The following ZNF141 variants were observed in gnomAD, a reference collection of about 807,000 sequenced individuals.
ZNF141 encodes zinc finger protein 141.
A neutral mutation model predicts 11.3 loss-of-function variants in ZNF141; 7 were observed. The observed-to-expected ratio is 0.62, with a 90% CI of 0.35 to 1.16. The LOEUF is 1.16. Among genes scored for constraint, ZNF141 ranks in the 50% most tolerant of loss-of-function variants. The pLI, the probability that ZNF141 is intolerant of heterozygous loss-of-function variation, is 0.02. For synonymous variants in ZNF141, 183 were observed against 190.7 expected (o/e 0.96, Z 0.33); for missense variants, 535 against 554.0 (o/e 0.97, Z 0.34).
At position 379,651 on chromosome 4, in the gene ZNF141, G is replaced by A. The variant is rs1712527198; in HGVS notation, c.*5789G>A. The stretch of plus-strand genomic sequence containing the variant: ...GCCTCCCAAAGTTCTGGAATTACAG[G>A]CGTGAGCCACTGCGCCCAGCCTCTA... On this transcript the variant is annotated 3_prime_UTR_variant, in exon 4 of 4. Coordinates refer to ENST00000240499, the MANE Select transcript of ZNF141 (RefSeq NM_003441.4). Among the ~76,000 whole-genome samples, 2 of 152,142 alleles carry A rather than the reference G, an allele frequency of 1.3e-5. No individual in the cohort carries two copies. Among genetic ancestry groups the A allele is most frequent in the Admixed American group, 6.5e-5 (1 of 15,282 alleles).
At chr4:350,401 C>T in intron 3 of ZNF141, 2 of 335,800 alleles carry the variant, frequency 6.0e-6, no homozygotes, top group South Asian at 4.6e-5. Context: ...TCTTATTTCA[C>T]TAAAATAATG....
chr4:359,486 G>C (rs555834163), intron 3 of ZNF141, among the ~76,000 whole-genome samples: 66 of 152,236 alleles, frequency 4.3e-4, no homozygotes, highest in Admixed American at 1.5e-3. Context: ...AATTCATAGG[G>C]CTGCTTCAGG....
At chr4:355,426 G>A (rs964320971) in intron 3 of ZNF141, among the ~76,000 whole-genome samples, 4 of 152,012 alleles carry the variant, frequency 2.6e-5, no homozygotes, top group East Asian at 1.9e-4. Flanking sequence ...GGCTGGTCTC[G>A]AACTCCTGAT....
chr4:348,378 A>G (rs531583631), intron 3 of ZNF141, among the ~76,000 whole-genome samples: 236 of 152,192 alleles, frequency 1.6e-3, no homozygotes, highest in African/African-American at 5.6e-3. Context: ...TTAAGATTTC[A>G]TGTCTTAATT....
rs1553855867 is a variant in ZNF141 at position 382,616 on chromosome 4, TAC to T, written c.*8756_*8757del. The T allele has an allele frequency of 6.6e-6, 1 of 152,348 alleles. No individual in the cohort carries two copies. The highest frequency in any genetic ancestry group is 1.5e-5 in the Non-Finnish European group (1 of 68,142). The allele number at this position is 152,348 out of a possible 1,614,324, so 9.4% of individuals were successfully genotyped here. ...TGCTCAGCAATTTTCTCAAATTGTT[TAC>T]AGTTTTTCCAAGAGACTTCAGAACC... On this transcript the variant is annotated 3_prime_UTR_variant, in exon 4 of 4. Transcript: ENST00000240499.
intron 3 of ZNF141, among the ~76,000 whole-genome samples, chr4:355,187 A>C (rs1206455160): frequency 1.3e-5 from 2 of 150,742 alleles, no homozygotes; most frequent in African/African-American, 4.9e-5. Context: ...ATTTTATTTT[A>C]TTTATTTATT....
In ZNF141 at chr4:337,872, C is replaced by A. The variant is rs1405273816; in HGVS notation, c.-112C>A. ...TAGGGGCTTCATCTCTCTGCGTTCT[C>A]AGTTGTGGGAGGCCTTGGTGATTCG... On this transcript the variant is annotated 5_prime_UTR_variant, in exon 1 of 4. Transcript: ENST00000240499. The A allele has an allele frequency of 7.2e-6, 10 of 1,397,722 alleles. No individual in the cohort carries two copies. The allele number at this position is 1,397,722 out of a possible 1,614,324, so 86.6% of individuals were successfully genotyped here.
In ZNF141 at chr4:375,597, A is replaced by G. The variant is rs576964799; in HGVS notation, c.*1735A>G. Among the ~76,000 whole-genome samples the G allele has an allele frequency of 2.6e-5, 4 of 152,194 alleles. No homozygotes were observed. Among genetic ancestry groups the G allele is most frequent in the African/African-American group, 9.6e-5 (4 of 41,562 alleles). ...GAGTATTAAGTATTAAAAAAATCCA[A>G]AGTTGAACCTATTAGAGAATTTCTT... On this transcript the variant is annotated 3_prime_UTR_variant, in exon 4 of 4. Coordinates refer to ENST00000240499, the MANE Select transcript of ZNF141 (RefSeq NM_003441.4).
intron 1 of ZNF141, 35 bp downstream of exon 1, chr4:338,021 G>A (rs1720871870): frequency 6.8e-6 from 11 of 1,612,536 alleles, no homozygotes; most frequent in South Asian, 1.1e-5. Flanking sequence ...CAAGGCTGAG[G>A]AGGTCTCATC....
chr4:342,815 T>G, intron 1 of ZNF141: 1 of 1,605,838 alleles, frequency 6.2e-7, no homozygotes, highest in Non-Finnish European at 8.5e-7. Flanking sequence ...ACAGAAAAAA[T>G]TCAAACAGGT....
In ZNF141 at chr4:379,474, A is replaced by T. The variant is rs1203876656; in HGVS notation, c.*5612A>T. Among the ~76,000 whole-genome samples, 1 of 152,176 alleles carries T rather than the reference A, an allele frequency of 6.6e-6. No homozygotes were observed. Among genetic ancestry groups the T allele is most frequent in the African/African-American group, 2.4e-5 (1 of 41,436 alleles). ...ACTGCAACCTCCGCCTCTCAGGTTC[A>T]GGCGATTCTCCTGCCTCAGCCTCCT... is the stretch of plus-strand genomic sequence containing the variant. On this transcript the variant is annotated 3_prime_UTR_variant, in exon 4 of 4. Coordinates refer to ENST00000240499, the MANE Select transcript of ZNF141 (RefSeq NM_003441.4).
intron 3 of ZNF141, among the ~76,000 whole-genome samples, chr4:352,202 A>G (rs562160485): frequency 2.0e-4 from 31 of 152,322 alleles, no homozygotes; most frequent in African/African-American, 7.0e-4. Context: ...CCTGGCCAAC[A>G]TGGTGAAACC....
At chr4:343,686 C>G (rs565695055) in intron 1 of ZNF141, 96 bp from the exon 2 acceptor site, 1 of 1,251,280 alleles carries the variant, frequency 8.0e-7, no homozygotes, top group Non-Finnish European at 1.0e-6. Context: ...GACTGCGCCG[C>G]TGCACTCCAG....
Position 343,024 on chromosome 4 carries a change from ATTAAAAAAGTATTAAAAAAGTT to A in ZNF141, c.4-757_4-736del, listed in dbSNP as rs1560179809. The A allele has an allele frequency of 1.0e-5, 5 of 493,264 alleles. No individual in the cohort carries two copies. The African/African-American group carries it at 2.5e-4, about 24-fold the overall frequency. 30.6% of individuals were successfully genotyped at this position (493,264 alleles called of 1,614,324 possible). A position where few individuals can be genotyped will look rare whatever the true frequency, so the allele number is the denominator to read the frequency against. The stretch of plus-strand genomic sequence containing the variant: ...AAGTATTAAAAAAGTTCCTTGCATG[ATTAAAAAAGTATTAAAAAAGTT>A]CCTTGCATGATTAAAAAAGTATTTA... On this transcript the variant is annotated intron_variant, in intron 1 of 3. Transcript: ENST00000240499.
Position 374,443 on chromosome 4 carries a change from G to A in ZNF141, c.*581G>A. 1 of 354,652 alleles carries A rather than the reference G, an allele frequency of 2.8e-6. No individual in the cohort carries two copies. The highest frequency in any genetic ancestry group is 5.8e-6 in the Non-Finnish European group (1 of 173,540). The allele number at this position is 354,652 out of a possible 1,614,324, so 22.0% of individuals were successfully genotyped here. On this transcript the variant is annotated 3_prime_UTR_variant, in exon 4 of 4. Transcript: ENST00000240499. ...GTTAAACATAAGAGAATTTATACCA[G>A]AGAGAAACCCTACACATGTAAAGAA...
rs1581627762 is a variant in ZNF141, at chr4:373,355, T to C, written c.918T>C (p.Thr306=). The C allele has an allele frequency of 6.2e-7, 1 of 1,614,006 alleles. No homozygotes were observed. The highest frequency in any genetic ancestry group is 2.2e-5 in the East Asian group (1 of 44,866). ...SNFAKHKRIH[T]GEKPYKCEEC... is the part of the protein sequence containing the mutation. ...TTGCCAAACATAAGCGAATTCATAC[T>C]GGAGAGAAACCCTACAAATGTGAAG... The change falls in exon 4 of 4, where the codon ACT becomes ACC. Residue 306 remains threonine (T), a synonymous_variant. Coordinates refer to ENST00000240499, the MANE Select transcript of ZNF141 (RefSeq NM_003441.4).
At chr4:356,735 C>T (rs928360774) in intron 3 of ZNF141, among the ~76,000 whole-genome samples, 3 of 152,112 alleles carry the variant, frequency 2.0e-5, no homozygotes, top group Non-Finnish European at 2.9e-5. Context: ...AATGAATTAC[C>T]GATTGATAAG....
chr4:352,277 C>G (rs1405552795), intron 3 of ZNF141, among the ~76,000 whole-genome samples: 1 of 152,194 alleles, frequency 6.6e-6, no homozygotes, highest in Non-Finnish European at 1.5e-5. Flanking sequence ...GTCCCAGCTA[C>G]TCAGAAGGCT....
chr4:371,870 T>A (rs1301244756), intron 3 of ZNF141, among the ~76,000 whole-genome samples: 1 of 152,208 alleles, frequency 6.6e-6, no homozygotes, highest in Middle Eastern at 3.2e-3. Context: ...ATTGTTGGAC[T>A]GTGTTGTTCT....
Sources: gnomAD v4.1 joint callset for allele counts (sites outside exome capture counted in the v4.1 genomes callset) on GRCh38, gnomAD v4.1.1 for gene constraint, MANE v1.5 for transcripts, NCBI Gene and HGNC (gene_info 2026-07-23, HGNC 2026-07-21) for gene names.